Variants in ZFAT observed in about 807,000 individuals in gnomAD.
ZFAT encodes zinc finger and AT-hook domain containing.
A neutral mutation model predicts 117.7 loss-of-function variants in ZFAT; 64 were observed. That is an observed-to-expected ratio of 0.54 (90% CI 0.44 to 0.67). The LOEUF (loss-of-function observed/expected upper bound fraction) is 0.67, where lower values mean the gene tolerates loss of function less well. Among genes scored for constraint, ZFAT ranks in the 30% least tolerant of loss-of-function variants. The probability of loss-of-function intolerance (pLI) is 0.00; values close to 1 mark genes in which losing one functional copy is unlikely to be tolerated. For missense variants in ZFAT, 1,433 were observed against 1,584.5 expected (o/e 0.90, Z 1.62); for synonymous variants, 679 against 615.0 (o/e 1.10, Z -1.54).
At chr8:134,552,881 C>T (rs1309886330) in intron 11 of ZFAT, among the ~76,000 whole-genome samples, 2 of 152,248 alleles carry the variant, frequency 1.3e-5, no homozygotes, top group African/African-American at 4.8e-5. Context: ...TGGACTTGCA[C>T]ATTCACACAC....
At chr8:134,480,586 G>A (rs1817228253) in intron 15 of ZFAT, among the ~76,000 whole-genome samples, 1 of 152,224 alleles carries the variant, frequency 6.6e-6, no homozygotes, top group African/African-American at 2.4e-5. Flanking sequence ...CTGTGCTGTG[G>A]AGTAGCTGGG....
At chr8:134,528,732 G>A (rs956134620) in intron 12 of ZFAT, among the ~76,000 whole-genome samples, 5 of 152,142 alleles carry the variant, frequency 3.3e-5, no homozygotes, top group African/African-American at 1.2e-4. Flanking sequence ...AGCTAACTCC[G>A]CTCCAGGGCA....
intron 1 of ZFAT, among the ~76,000 whole-genome samples, chr8:134,671,766 G>C (rs944589869): frequency 1.3e-5 from 2 of 152,150 alleles, no homozygotes; most frequent in African/African-American, 4.8e-5. Context: ...CAATCAGGCA[G>C]GACAAAGAAA....
Position 134,482,820 on chromosome 8 carries a change from A to G in ZFAT, c.3493-4099T>C, listed in dbSNP as rs565769100. Among the ~76,000 whole-genome samples the G allele has an allele frequency of 6.6e-5, 10 of 152,298 alleles. No homozygotes were observed. In the East Asian group the frequency reaches 9.7e-4, roughly 15 times the overall value. On this transcript the variant is annotated intron_variant, in intron 15 of 15. Coordinates refer to ENST00000377838, the MANE Select transcript of ZFAT (RefSeq NM_020863.4). ...AAGAGCAGGCTTCCTGGTGTGCACA[A>G]ATGTGACAGGGAGGCACGCTGTTGC...
intron 10 of ZFAT, among the ~76,000 whole-genome samples, chr8:134,571,252 GGTGTGGCC>G (rs1031825581): frequency 2.6e-5 from 4 of 152,226 alleles, no homozygotes; most frequent in African/African-American, 9.6e-5. Context: ...GTGTGGAAGA[GGTGTGGCC>G]ATGTGGCCAG....
At position 134,493,493 on chromosome 8, in the gene ZFAT, TACC is replaced by T. The variant is rs1818205246; in HGVS notation, c.3493-14775_3493-14773del. ...GGATGCCCATGACTAGAACATCTTGTACCTCTTGCATGTCTCGGCAGTCTAGGC... is the reference window on the plus strand; with the variant it reads ...GGATGCCCATGACTAGAACATCTTGTTCTTGCATGTCTCGGCAGTCTAGGC... On this transcript the variant is annotated intron_variant, in intron 15 of 15. Coordinates refer to ENST00000377838, the MANE Select transcript of ZFAT (RefSeq NM_020863.4). Among the ~76,000 whole-genome samples the T allele has an allele frequency of 3.9e-5, 6 of 152,356 alleles. No homozygotes were observed. The South Asian group carries it at 1.0e-3, about 26-fold the overall frequency.
At chr8:134,645,867 A>G (rs571389382) in intron 2 of ZFAT, among the ~76,000 whole-genome samples, 36 of 152,288 alleles carry the variant, frequency 2.4e-4, no homozygotes, top group African/African-American at 8.4e-4. Context: ...AAATTCTCCA[A>G]AACAGACAAC....
chr8:134,549,459 A>G (rs867587922), intron 11 of ZFAT, among the ~76,000 whole-genome samples: 76 of 147,998 alleles, frequency 5.1e-4, no homozygotes, highest in Non-Finnish European at 7.3e-4. Context: ...AAAAAAAAAA[A>G]AAGAAGAAGA....
At chr8:134,598,700 T>A (rs754605764) in intron 7 of ZFAT, 1 of 152,262 alleles carries the variant, frequency 6.6e-6, no homozygotes, top group Admixed American at 6.5e-5. Context: ...TTGTCATTTT[T>A]TCAGCCTATG....
chr8:134,565,895 T>C (rs556988454), intron 10 of ZFAT, among the ~76,000 whole-genome samples: 1 of 152,054 alleles, frequency 6.6e-6, no homozygotes, highest in South Asian at 2.1e-4. Flanking sequence ...GCCAGAGAGG[T>C]TGCTGGCCCA....
intron 1 of ZFAT, among the ~76,000 whole-genome samples, chr8:134,697,354 C>T (rs1218959903): frequency 6.6e-6 from 1 of 150,988 alleles, no homozygotes; most frequent in Non-Finnish European, 1.5e-5. Context: ...CCTTGTGATC[C>T]GCCCGCCTCA....
At chr8:134,707,964 T>C (rs1347302050) in intron 1 of ZFAT, among the ~76,000 whole-genome samples, 1 of 152,212 alleles carries the variant, frequency 6.6e-6, no homozygotes, top group Non-Finnish European at 1.5e-5. Flanking sequence ...AACACATGAA[T>C]GATTTTTTTA....
chr8:134,827,629 G>A, the ZFAT span, among the ~76,000 whole-genome samples: 9 of 152,008 alleles, frequency 5.9e-5, no homozygotes, highest in Admixed American at 2.0e-4. Flanking sequence ...TTAGACAGGC[G>A]TGGTGGTGGG....
At chr8:134,512,793 C>G (rs762631657) in intron 13 of ZFAT, among the ~76,000 whole-genome samples, 192 bp from the exon 14 acceptor site, 3 of 152,232 alleles carry the variant, frequency 2.0e-5, no homozygotes, top group Non-Finnish European at 4.4e-5. Flanking sequence ...CTGTGAGGAT[C>G]AAGACCTTTA....
At chr8:134,618,204 C>A (rs937648416) in intron 3 of ZFAT, among the ~76,000 whole-genome samples, 1 of 152,146 alleles carries the variant, frequency 6.6e-6, no homozygotes, top group African/African-American at 2.4e-5. Context: ...TTACTATGAG[C>A]AAATTCATTG....
intron 15 of ZFAT, among the ~76,000 whole-genome samples, chr8:134,483,010 G>A (rs567096895): frequency 1.3e-5 from 2 of 152,228 alleles, no homozygotes; most frequent in Non-Finnish European, 2.9e-5. Context: ...AACGTGTAGA[G>A]AGGACGAAGG....
chr8:134,784,802 A>G, the ZFAT span: 1 of 152,208 alleles, frequency 6.6e-6, no homozygotes, highest in Non-Finnish European at 1.5e-5. Context: ...TGCATTTATT[A>G]GTATCTTTAA....
At chr8:134,642,097 C>T (rs11166643) in intron 2 of ZFAT, among the ~76,000 whole-genome samples, 69,240 of 152,056 alleles carry the variant, frequency 0.46, 16,339 homozygotes, top group East Asian at 0.82. Context: ...GCAAACACAA[C>T]GTCCTCAATG....
intron 1 of ZFAT, among the ~76,000 whole-genome samples, chr8:134,711,498 T>C (rs868763602): frequency 7.9e-5 from 12 of 152,180 alleles, no homozygotes; most frequent in Middle Eastern, 3.2e-3. Flanking sequence ...TCAGCGCACC[T>C]GTGGTCACAG....
Sources: allele counts gnomAD v4.1 joint callset (sites outside exome capture counted in the v4.1 genomes callset), GRCh38; gene constraint gnomAD v4.1.1; transcripts MANE v1.5; gene names NCBI Gene and HGNC (gene_info 2026-07-23, HGNC 2026-07-21).